The following NFATC2 variants were observed in gnomAD, a reference collection of about 807,000 sequenced individuals.
The protein encoded by NFATC2 is nuclear factor of activated T cells 2, also known as nuclear factor of activated T-cells, cytoplasmic 2.
In NFATC2, 22 loss-of-function variants were observed where a neutral mutation model predicts 87.3. The ratio of observed to expected loss-of-function variants is 0.25; its 90% CI spans 0.18 to 0.36. The LOEUF (loss-of-function observed/expected upper bound fraction) is 0.36, where lower values mean the gene tolerates loss of function less well. Ranked by LOEUF, NFATC2 falls within the 10% of genes least tolerant of loss-of-function variation. The pLI is 1.00. For missense variants in NFATC2, 1,149 were observed against 1,259.1 expected (o/e 0.91, Z 1.32); for synonymous variants, 565 against 542.2 (o/e 1.04, Z -0.58).
intron 1 of NFATC2, among the ~76,000 whole-genome samples, chr20:51,534,903 T>TAAGAA (rs1282908029): frequency 9.2e-5 from 14 of 152,242 alleles, no homozygotes; most frequent in Non-Finnish European, 2.1e-4. Flanking sequence ...CTCAGCAGAA[T>TAAGAA]GTCTGAGCTT....
chr20:51,539,333 G>T lies in NFATC2; in HGVS notation c.130+3037C>A, dbSNP rs907780416. 9.2e-5 allele frequency among the ~76,000 whole-genome samples: 14 copies of T among 152,264 alleles called. No homozygotes were observed. The South Asian group carries it at 2.7e-3, about 29-fold the overall frequency. ...CATCTGGGACAAAACCTAATAAAAAGATTAAGGCTAGTGTTCACCCCTGAG... is the reference window on the plus strand; with the variant it reads ...CATCTGGGACAAAACCTAATAAAAATATTAAGGCTAGTGTTCACCCCTGAG... On this transcript the variant is annotated intron_variant, in intron 1 of 10. Coordinates refer to ENST00000371564, the MANE Select transcript of NFATC2 (RefSeq NM_012340.5).
chr20:51,505,779 C>T lies in NFATC2; in HGVS notation c.1332+11005G>A, dbSNP rs1176506554. 2.6e-5 allele frequency among the ~76,000 whole-genome samples: 4 copies of T among 152,124 alleles called. No homozygotes were observed. In the South Asian group the frequency reaches 6.2e-4, roughly 24 times the overall value. ...TGGCATCGTTTGAGGACAAGAGCTGCGCACAGAACACATAAGAAATGGTGA... is the reference window on the plus strand; with the variant it reads ...TGGCATCGTTTGAGGACAAGAGCTGTGCACAGAACACATAAGAAATGGTGA... On this transcript the variant is annotated intron_variant, in intron 3 of 10. Coordinates refer to ENST00000371564, the MANE Select transcript of NFATC2 (RefSeq NM_012340.5).
intron 6 of NFATC2, among the ~76,000 whole-genome samples, chr20:51,451,658 C>G (rs940114986): frequency 6.6e-6 from 1 of 152,246 alleles, no homozygotes; most frequent in East Asian, 1.9e-4. Flanking sequence ...TCTGTGTTGA[C>G]AGCCACTCCC....
chr20:51,500,563 G>A (rs2076061245), intron 3 of NFATC2, among the ~76,000 whole-genome samples: 1 of 151,156 alleles, frequency 6.6e-6, no homozygotes, highest in Admixed American at 6.6e-5. Flanking sequence ...AGCTCAGTGA[G>A]AAGTATGTGG....
intron 3 of NFATC2, among the ~76,000 whole-genome samples, chr20:51,476,495 A>G (rs1253334607): frequency 6.6e-6 from 1 of 152,210 alleles, no homozygotes; most frequent in East Asian, 1.9e-4. Flanking sequence ...CCATCTATTT[A>G]GAATTGAATC....
chr20:51,514,109 C>T (rs1176799080), intron 3 of NFATC2, among the ~76,000 whole-genome samples: 2 of 152,220 alleles, frequency 1.3e-5, no homozygotes, highest in Non-Finnish European at 2.9e-5. Flanking sequence ...ATCTCACAGG[C>T]AGCAAATGTT....
At chr20:51,403,387 T>C (rs1025067322) in intron 9 of NFATC2, among the ~76,000 whole-genome samples, 17 of 152,156 alleles carry the variant, frequency 1.1e-4, no homozygotes, top group African/African-American at 4.1e-4. Context: ...AAGGACTGTA[T>C]TCATGGGTGA....
At chr20:51,395,940 G>A (rs1030232416) in intron 10 of NFATC2, among the ~76,000 whole-genome samples, 50 of 151,122 alleles carry the variant, frequency 3.3e-4, no homozygotes, top group South Asian at 2.1e-4. Flanking sequence ...TAGACAGTAC[G>A]CAAATGGGCA....
At chr20:51,500,590 G>A (rs112129357) in intron 3 of NFATC2, among the ~76,000 whole-genome samples, 8 of 149,908 alleles carry the variant, frequency 5.3e-5, no homozygotes, top group African/African-American at 7.4e-5. Context: ...GTTGCACAGC[G>A]AGGCTCAGGC....
intron 9 of NFATC2, among the ~76,000 whole-genome samples, chr20:51,402,421 C>T (rs1446595478): frequency 6.6e-6 from 1 of 152,004 alleles, no homozygotes; most frequent in African/African-American, 2.4e-5. Context: ...GGCCCCAACC[C>T]TCTGCTAAGA....
At chr20:51,429,660 C>T (rs2426311) in intron 9 of NFATC2, among the ~76,000 whole-genome samples, 79,030 of 152,116 alleles carry the variant, frequency 0.52, 22,651 homozygotes, top group South Asian at 0.64. Flanking sequence ...GCTACACCCC[C>T]GCATTTTAGA....
At chr20:51,560,990 A>C (rs981001099) in intron 1 of NFATC2, among the ~76,000 whole-genome samples, 1 of 152,158 alleles carries the variant, frequency 6.6e-6, no homozygotes, top group African/African-American at 2.4e-5. Context: ...TAAATTTGGC[A>C]TTAGGCTGAC....
intron 3 of NFATC2, among the ~76,000 whole-genome samples, chr20:51,510,271 C>T (rs747720595): frequency 1.6e-4 from 24 of 152,244 alleles, no homozygotes; most frequent in East Asian, 7.7e-4. Flanking sequence ...GTTTGGAAGC[C>T]GCCAGGAAAG....
At chr20:51,526,116 A>G (rs1442870653) in intron 1 of NFATC2, among the ~76,000 whole-genome samples, 1 of 151,928 alleles carries the variant, frequency 6.6e-6, no homozygotes, top group Non-Finnish European at 1.5e-5. Flanking sequence ...TCGACCCATC[A>G]AAAAGATCCC....
chr20:51,471,775 C>T (rs1413320012), intron 5 of NFATC2, among the ~76,000 whole-genome samples: 1 of 152,222 alleles, frequency 6.6e-6, no homozygotes, highest in Non-Finnish European at 1.5e-5. Flanking sequence ...TTAACAGAAG[C>T]TATCTGCAGA....
intron 1 of NFATC2, among the ~76,000 whole-genome samples, chr20:51,547,781 T>C (rs1281743794): frequency 1.3e-5 from 2 of 152,202 alleles, no homozygotes; most frequent in Non-Finnish European, 2.9e-5. Flanking sequence ...CCTTTTCTCA[T>C]GCCCACGTGC....
chr20:51,529,549 C>A (rs952792795), intron 1 of NFATC2, among the ~76,000 whole-genome samples: 1 of 152,190 alleles, frequency 6.6e-6, no homozygotes, highest in African/African-American at 2.4e-5. Context: ...ACAACTGCCA[C>A]GCTCACAGGC....
intron 6 of NFATC2, among the ~76,000 whole-genome samples, chr20:51,454,146 A>C (rs1406465009): frequency 6.6e-6 from 1 of 152,336 alleles, no homozygotes; most frequent in East Asian, 1.9e-4. Flanking sequence ...CGGATCACCA[A>C]GCAAGCAGAT....
chr20:51,392,251 T>C (rs1256325636), intron 10 of NFATC2, among the ~76,000 whole-genome samples: 1 of 152,172 alleles, frequency 6.6e-6, no homozygotes, highest in Non-Finnish European at 1.5e-5. Context: ...GCCATCAACA[T>C]AAACATAGTT....
Sources: allele counts gnomAD v4.1 joint callset (sites outside exome capture counted in the v4.1 genomes callset), GRCh38; gene constraint gnomAD v4.1.1; transcripts MANE v1.5; gene names NCBI Gene and HGNC (gene_info 2026-07-23, HGNC 2026-07-21).